The following HDAC9 variants were observed in gnomAD, a reference collection of about 807,000 sequenced individuals.
The protein encoded by HDAC9 is MEF-2 interacting transcription repressor (MITR) protein.
HDAC9 carries 41 observed loss-of-function variants against 139.4 expected under a neutral mutation model. The observed-to-expected ratio is 0.29, with a 90% CI of 0.23 to 0.38. The LOEUF is 0.38. Ranked by LOEUF, HDAC9 falls within the 10% of genes least tolerant of loss-of-function variation. The pLI, the probability that HDAC9 is intolerant of heterozygous loss-of-function variation, is 1.00. For missense variants in HDAC9, 1,147 were observed against 1,297.0 expected (o/e 0.88, Z 1.78); for synonymous variants, 517 against 476.2 (o/e 1.09, Z -1.12).
intron 1 of HDAC9, among the ~76,000 whole-genome samples, chr7:18,408,857 A>G (rs143981526): frequency 6.1e-4 from 93 of 152,340 alleles, no homozygotes; most frequent in African/African-American, 2.1e-3. Context: ...AAAGAATGCA[A>G]CAAATGACAC....
chr7:18,729,335 G>A (rs1479800091), intron 13 of HDAC9, among the ~76,000 whole-genome samples: 1 of 151,596 alleles, frequency 6.6e-6, no homozygotes, highest in Non-Finnish European at 1.5e-5. Flanking sequence ...AATTCCTTAA[G>A]TAAGCTTAAC....
At chr7:18,802,795 A>G (rs1269269416) in intron 17 of HDAC9, among the ~76,000 whole-genome samples, 2 of 151,638 alleles carry the variant, frequency 1.3e-5, no homozygotes, top group South Asian at 2.1e-4. Context: ...TATGATATTA[A>G]TATAGCAAAA....
chr7:18,372,021 A>G (rs1039855311), intron 1 of HDAC9, among the ~76,000 whole-genome samples: 2 of 152,198 alleles, frequency 1.3e-5, no homozygotes, highest in Non-Finnish European at 2.9e-5. Context: ...CTGCAATGAC[A>G]TGGATGATCT....
intron 2 of HDAC9, among the ~76,000 whole-genome samples, chr7:18,526,504 A>G (rs1256347542): frequency 1.3e-5 from 2 of 152,236 alleles, no homozygotes; most frequent in East Asian, 1.9e-4. Context: ...GTAATACAAT[A>G]GATGCAAACA....
intron 1 of HDAC9, among the ~76,000 whole-genome samples, chr7:18,440,056 A>G (rs1470345434): frequency 6.6e-6 from 1 of 152,224 alleles, no homozygotes; most frequent in Admixed American, 6.5e-5. Flanking sequence ...GTTATTCATT[A>G]CATCACTTCA....
intron 2 of HDAC9, among the ~76,000 whole-genome samples, chr7:18,542,713 T>C (rs1813416243): frequency 6.6e-6 from 1 of 152,194 alleles, no homozygotes; most frequent in Non-Finnish European, 1.5e-5. Flanking sequence ...CAAAAGGCCC[T>C]GTACTGTACT....
intron 12 of HDAC9, among the ~76,000 whole-genome samples, chr7:18,701,968 A>G (rs1042792548): frequency 6.6e-6 from 1 of 152,228 alleles, no homozygotes; most frequent in African/African-American, 2.4e-5. Context: ...GCACAGAGAC[A>G]GTCTCCTGAG....
chr7:18,706,496 G>T (rs1017546710), intron 12 of HDAC9, among the ~76,000 whole-genome samples: 2 of 152,148 alleles, frequency 1.3e-5, no homozygotes, highest in Non-Finnish European at 2.9e-5. Flanking sequence ...ATAGGGAAAT[G>T]ATTCTTTATT....
At chr7:18,859,649 C>T (rs1797941068) in intron 21 of HDAC9, among the ~76,000 whole-genome samples, 1 of 151,116 alleles carries the variant, frequency 6.6e-6, no homozygotes, top group African/African-American at 2.4e-5. Flanking sequence ...AAGACACAAA[C>T]AGTTCCTTGA....
At chr7:18,793,532 G>A in intron 17 of HDAC9, 80 bp downstream of exon 17, 2 of 933,476 alleles carry the variant, frequency 2.1e-6, no homozygotes, top group South Asian at 2.8e-5. Flanking sequence ...GAATTGCGGG[G>A]AGTGTGGCGT....
At chr7:18,893,748 A>G (rs1800911869) in intron 22 of HDAC9, among the ~76,000 whole-genome samples, 3 of 152,152 alleles carry the variant, frequency 2.0e-5, no homozygotes, top group African/African-American at 7.2e-5. Context: ...GAACGCAGGG[A>G]AAGGGTCAGA....
rs774189714 is a variant in HDAC9 at position 18,629,501 on chromosome 7, A to G, written c.796+20A>G. On this transcript the variant is annotated intron_variant, in intron 7 of 25. Coordinates refer to ENST00000686413, the MANE Select transcript of HDAC9 (RefSeq NM_178425.4). ...TGACAGGTAATTGAGGACTGGGCAG[A>G]CCTATGAATGCTGGGAGTAGGAATG... 6.2e-7 allele frequency: 1 copy of G among 1,603,346 alleles called. No individual in the cohort carries two copies. Among genetic ancestry groups the G allele is most frequent in the South Asian group, 1.1e-5 (1 of 89,438 alleles).
intron 21 of HDAC9, among the ~76,000 whole-genome samples, chr7:18,839,595 C>G (rs1440608165): frequency 1.3e-5 from 2 of 152,060 alleles, no homozygotes; most frequent in East Asian, 1.9e-4. Flanking sequence ...GGAGCATTGT[C>G]AAGCTCAGGT....
intron 12 of HDAC9, among the ~76,000 whole-genome samples, chr7:18,696,058 A>G (rs1043865925): frequency 6.6e-6 from 1 of 152,100 alleles, no homozygotes; most frequent in African/African-American, 2.4e-5. Context: ...ACTATGCTGT[A>G]TGTATGAAAC....
chr7:18,250,797 T>G (rs886466348), intron 2 of HDAC9, among the ~76,000 whole-genome samples: 1 of 152,196 alleles, frequency 6.6e-6, no homozygotes, highest in Non-Finnish European at 1.5e-5. Flanking sequence ...GTTTTTTGAC[T>G]TTTTAGTAAT....
At chr7:18,475,947 T>C (rs997243811) in intron 1 of HDAC9, among the ~76,000 whole-genome samples, 3 of 152,224 alleles carry the variant, frequency 2.0e-5, no homozygotes, top group Admixed American at 2.0e-4. Context: ...GGTACAACCA[T>C]ATGTGACTTT....
At chr7:18,807,335 T>C (rs1020898527) in intron 17 of HDAC9, among the ~76,000 whole-genome samples, 3 of 152,160 alleles carry the variant, frequency 2.0e-5, no homozygotes, top group African/African-American at 4.8e-5. Context: ...GATATCTTTT[T>C]TTATTAGTTA....
rs754334210 is a variant in HDAC9, at chr7:18,648,408, GTA to G, written c.1250-56_1250-55del. On this transcript the variant is annotated intron_variant, in intron 10 of 25. Coordinates refer to ENST00000686413, the MANE Select transcript of HDAC9 (RefSeq NM_178425.4). ...TCTTTTCTTAAAATTGTGTGTGTGT[GTA>G]TGTGTGTGTGTGTGTGTGTGTGTAT... 1,783 of 1,162,430 alleles carry G rather than the reference GTA, an allele frequency of 1.5e-3. 2 individuals carry two copies. In the East Asian group the frequency reaches 0.018, roughly 12 times the overall value. The allele number at this position is 1,162,430 out of a possible 1,614,324, so 72.0% of individuals were successfully genotyped here.
chr7:18,256,088 C>A (rs979532984), intron 2 of HDAC9, among the ~76,000 whole-genome samples: 12 of 152,050 alleles, frequency 7.9e-5, no homozygotes, highest in African/African-American at 2.9e-4. Flanking sequence ...CTCTCAATAT[C>A]TTGAAGAGCT....
Sources: gnomAD v4.1 joint callset for allele counts (sites outside exome capture counted in the v4.1 genomes callset) on GRCh38, gnomAD v4.1.1 for gene constraint, MANE v1.5 for transcripts, NCBI Gene and HGNC (gene_info 2026-07-23, HGNC 2026-07-21) for gene names.